The following PHF2 variants were observed in gnomAD, a reference collection of about 807,000 sequenced individuals.
PHF2 encodes PHD finger protein 2.
A neutral mutation model predicts 120.5 loss-of-function variants in PHF2; 27 were observed. The ratio of observed to expected loss-of-function variants is 0.22; its 90% confidence interval spans 0.17 to 0.31. The LOEUF (loss-of-function observed/expected upper bound fraction) is 0.31, where lower values mean the gene tolerates loss of function less well. PHF2 is among the 10% of genes least tolerant of loss of function. The pLI is 1.00. For synonymous variants in PHF2, 568 were observed against 592.5 expected (o/e 0.96, Z 0.60); for missense variants, 1,024 against 1,434.8 (o/e 0.71, Z 4.63).
chr9:93,577,249 G>A lies in PHF2; in HGVS notation c.98+378G>A, dbSNP rs562653054. Among the ~76,000 whole-genome samples, 543 of 151,332 alleles carry A rather than the reference G, an allele frequency of 3.6e-3. 3 individuals carry two copies. The highest frequency in any genetic ancestry group is 0.012 in the African/African-American group (507 of 41,396). ...GGCATCCGGAGGGAGGCCGAGGCCCGGAGCCCCCGCCGCCTCCCCCCTGCG... is the reference window on the plus strand; with the variant it reads ...GGCATCCGGAGGGAGGCCGAGGCCCAGAGCCCCCGCCGCCTCCCCCCTGCG... On this transcript the variant is annotated intron_variant, in intron 1 of 21. Transcript: ENST00000359246.
intron 1 of PHF2, among the ~76,000 whole-genome samples, chr9:93,614,309 T>C (rs1032144808): frequency 4.6e-5 from 7 of 152,168 alleles, no homozygotes; most frequent in African/African-American, 1.7e-4. Flanking sequence ...GGGGCAGACA[T>C]AGAGGGTGGT....
Position 93,576,955 on chromosome 9 carries a change from C to G in PHF2, c.98+84C>G, listed in dbSNP as rs1862830355. Reference sequence around the variant, plus strand: ...GAGCCCCGCGCCCCCGGCTGCGCGCCCGCAGGCCCGGCTCGGGGACGGGCC... The same window carrying G: ...GAGCCCCGCGCCCCCGGCTGCGCGCGCGCAGGCCCGGCTCGGGGACGGGCC... On this transcript the variant is annotated intron_variant, in intron 1 of 21. Coordinates refer to ENST00000359246, the MANE Select transcript of PHF2 (RefSeq NM_005392.4). The G allele has an allele frequency of 7.8e-6, 4 of 515,088 alleles. No individual in the cohort carries two copies. The African/African-American group carries it at 8.4e-5, about 11-fold the overall frequency. The allele number at this position is 515,088 out of a possible 1,614,324, so 31.9% of individuals were successfully genotyped here.
intron 3 of PHF2, among the ~76,000 whole-genome samples, chr9:93,645,177 C>T (rs1372593849): frequency 1.3e-5 from 2 of 152,240 alleles, no homozygotes; most frequent in African/African-American, 2.4e-5. Context: ...GGCTCTTGTT[C>T]CTGAGCTGTG....
chr9:93,666,161 C>A, intron 16 of PHF2, 101 bp downstream of exon 16: 1 of 1,266,310 alleles, frequency 7.9e-7, no homozygotes, highest in East Asian at 2.4e-5. Context: ...GGGGGTGTTT[C>A]TGCATGAGAT....
intron 2 of PHF2, 148 bp from the exon 3 acceptor site, chr9:93,636,263 G>A: frequency 1.6e-6 from 1 of 620,906 alleles, no homozygotes; most frequent in African/African-American, 1.8e-5. Context: ...GGCAGGGTGG[G>A]GGTGTCATCA....
At chr9:93,630,813 T>C (rs1045188932) in intron 2 of PHF2, among the ~76,000 whole-genome samples, 1 of 152,078 alleles carries the variant, frequency 6.6e-6, no homozygotes, top group Non-Finnish European at 1.5e-5. Context: ...GGTATGGATA[T>C]GGGTGTGCGT....
chr9:93,632,596 G>T (rs1027324272), intron 2 of PHF2, among the ~76,000 whole-genome samples: 16 of 152,126 alleles, frequency 1.1e-4, no homozygotes, highest in Non-Finnish European at 2.9e-5. Context: ...AAGGAAGGAG[G>T]CAGCTTTCTG....
intron 10 of PHF2, 42 bp from the exon 11 acceptor site, chr9:93,659,469 G>T: frequency 6.5e-7 from 1 of 1,529,338 alleles, no homozygotes; most frequent in Non-Finnish European, 9.1e-7. Flanking sequence ...TCAGGACCAC[G>T]GGAGGTGTCT....
At chr9:93,661,817 TG>T (rs1564398967) in intron 12 of PHF2, among the ~76,000 whole-genome samples, 1 of 151,178 alleles carries the variant, frequency 6.6e-6, no homozygotes, top group Non-Finnish European at 1.5e-5. Flanking sequence ...GATGAAAGAA[TG>T]GTTGGATGGT....
At chr9:93,620,608 G>A (rs1488739839) in intron 1 of PHF2, among the ~76,000 whole-genome samples, 1 of 152,228 alleles carries the variant, frequency 6.6e-6, no homozygotes, top group East Asian at 1.9e-4. Context: ...GAGGGGTTGA[G>A]GTTGGTTTTT....
chr9:93,676,658 C>G lies in PHF2; in HGVS notation c.2897C>G (p.Pro966Arg). 1 of 1,601,506 alleles carries G rather than the reference C, an allele frequency of 6.2e-7. No individual in the cohort carries two copies. Among genetic ancestry groups the G allele is most frequent in the South Asian group, 1.1e-5 (1 of 88,974 alleles). Residue 966 changes from proline to arginine, a missense_variant, in exon 21 of 22, where the codon CCT (proline) becomes CGT (arginine). Coordinates refer to ENST00000359246, the MANE Select transcript of PHF2 (RefSeq NM_005392.4). ...AAGCTGACTCCTAACACCACCTCCCCTTCCACCTCCACCTCCATCTCTGCC... is the reference window on the plus strand; with the variant it reads ...AAGCTGACTCCTAACACCACCTCCCGTTCCACCTCCACCTCCATCTCTGCC... The part of the protein sequence containing the change: ...KRKLTPNTTS[P>R]STSTSISAGT...
rs1825787389 is a variant in PHF2, at chr9:93,619,421, GCCTGTA to G, written c.99-10547_99-10542del. Among the ~76,000 whole-genome samples, 3 of 152,228 alleles carry G rather than the reference GCCTGTA, an allele frequency of 2.0e-5. No individual in the cohort carries two copies. The South Asian group carries it at 6.2e-4, about 32-fold the overall frequency. Reference sequence around the variant, plus strand: ...GCTGGCACTTTGCTCCGCTGACCTTGCCTGTACGAGGCTGAGCATTCCAAGTGTCCT... The same window carrying G: ...GCTGGCACTTTGCTCCGCTGACCTTGCGAGGCTGAGCATTCCAAGTGTCCT... On this transcript the variant is annotated intron_variant, in intron 1 of 21. Transcript: ENST00000359246.
chr9:93,639,369 T>C (rs1335787592), intron 3 of PHF2, among the ~76,000 whole-genome samples: 1 of 152,232 alleles, frequency 6.6e-6, no homozygotes, highest in East Asian at 1.9e-4. Flanking sequence ...TTTCAGATTG[T>C]TCATTGATAG....
chr9:93,587,021 C>G (rs528626721), intron 1 of PHF2, among the ~76,000 whole-genome samples: 1 of 152,342 alleles, frequency 6.6e-6, no homozygotes. Context: ...GTGGGAGTTA[C>G]ATTCTGGCCC....
At chr9:93,633,096 C>T (rs1353056609) in intron 2 of PHF2, among the ~76,000 whole-genome samples, 3 of 152,210 alleles carry the variant, frequency 2.0e-5, no homozygotes, top group Non-Finnish European at 4.4e-5. Flanking sequence ...TGTCCTGCTC[C>T]TGCCACCCTA....
intron 1 of PHF2, among the ~76,000 whole-genome samples, chr9:93,613,090 G>T (rs915431355): frequency 6.6e-6 from 1 of 152,236 alleles, no homozygotes; most frequent in South Asian, 2.1e-4. Flanking sequence ...AAAGCACTTT[G>T]TCTGAGAGCT....
chr9:93,671,216 G>A (rs1826780120), intron 17 of PHF2: 1 of 972,832 alleles, frequency 1.0e-6, no homozygotes, highest in Non-Finnish European at 1.2e-6. Flanking sequence ...AGGCACAGGT[G>A]TAGTTGCAGG....
At position 93,663,634 on chromosome 9, in the gene PHF2, G is replaced by A. The variant is rs767439032; in HGVS notation, c.1936G>A (p.Gly646Ser). 1.4e-5 allele frequency: 22 copies of A among 1,593,214 alleles called. No homozygotes were observed. The highest frequency in any genetic ancestry group is 2.2e-5 in the South Asian group (2 of 89,934). Residue 646 changes from glycine to serine, a missense_variant and splice_region_variant, in exon 14 of 22, where the codon GGC becomes AGC. Coordinates refer to ENST00000359246, the MANE Select transcript of PHF2 (RefSeq NM_005392.4). Reference sequence around the variant, plus strand: ...TTCTTTCTCCAACAAGAAACTCCTCGGGTATGTGAGTGCCTGGATGGGAGG... The same window carrying A: ...TTCTTTCTCCAACAAGAAACTCCTCAGGTATGTGAGTGCCTGGATGGGAGG... ...SFSFSNKKLL[G>S]SKALRPPTSP... is the part of the protein sequence containing the mutation.
chr9:93,607,812 A>G (rs1389626225), intron 1 of PHF2, among the ~76,000 whole-genome samples: 1 of 152,204 alleles, frequency 6.6e-6, no homozygotes, highest in African/African-American at 2.4e-5. Context: ...ATAAGAAAGC[A>G]ATTGACTTTT....
Sources: allele counts gnomAD v4.1 joint callset (sites outside exome capture counted in the v4.1 genomes callset), GRCh38; gene constraint gnomAD v4.1.1; transcripts MANE v1.5; gene names NCBI Gene and HGNC (gene_info 2026-07-23, HGNC 2026-07-21).